Variants in PTPRD observed in about 807,000 individuals in gnomAD.
PTPRD encodes protein tyrosine phosphatase receptor type D, also known as receptor-type tyrosine-protein phosphatase delta.
Under a neutral mutation model 214.5 loss-of-function variants are expected in PTPRD, and 34 were observed. The ratio of observed to expected loss-of-function variants is 0.16; its 90% CI spans 0.12 to 0.21. PTPRD has a LOEUF of 0.21. Among genes scored for constraint, PTPRD ranks in the 10% least tolerant of loss-of-function variants. The pLI, the probability that PTPRD is intolerant of heterozygous loss-of-function variation, is 1.00. For synonymous variants in PTPRD, 1,128 were observed against 845.7 expected (o/e 1.33, Z -5.79); for missense variants, 2,545 against 2,398.7 (o/e 1.06, Z -1.27).
intron 11 of PTPRD, among the ~76,000 whole-genome samples, chr9:8,829,584 G>T (rs1336059302): frequency 6.6e-6 from 1 of 152,114 alleles, no homozygotes; most frequent in African/African-American, 2.4e-5. Flanking sequence ...AGAATTTCTT[G>T]GTGAACTGGA....
At chr9:9,932,834 C>T (rs1602693612) in intron 5 of PTPRD, among the ~76,000 whole-genome samples, 1 of 127,694 alleles carries the variant, frequency 7.8e-6, no homozygotes. Context: ...AGAGAAAGGT[C>T]GGGTTACCCT....
intron 2 of PTPRD, among the ~76,000 whole-genome samples, chr9:10,434,234 C>T (rs895048516): frequency 1.3e-5 from 2 of 151,642 alleles, no homozygotes; most frequent in Admixed American, 1.3e-4. Flanking sequence ...CACTCAGTCT[C>T]CCATATAAAG....
chr9:9,772,972 G>A (rs1217313215), intron 5 of PTPRD, among the ~76,000 whole-genome samples: 1 of 152,086 alleles, frequency 6.6e-6, no homozygotes, highest in African/African-American at 2.4e-5. Context: ...TCTAAAAAAG[G>A]AAATAAGCTA....
intron 3 of PTPRD, among the ~76,000 whole-genome samples, chr9:10,039,369 CA>C (rs1333323240): frequency 6.6e-6 from 1 of 151,854 alleles, no homozygotes; most frequent in Non-Finnish European, 1.5e-5. Context: ...AATGCTATGT[CA>C]AAATAAAGTT....
intron 9 of PTPRD, among the ~76,000 whole-genome samples, chr9:9,210,033 T>A (rs952928995): frequency 6.6e-6 from 1 of 152,170 alleles, no homozygotes; most frequent in East Asian, 1.9e-4. Flanking sequence ...AGCACAAATC[T>A]TTTATAATGA....
chr9:10,490,659 T>C lies in PTPRD; in HGVS notation c.-600+121739A>G, dbSNP rs566978605. Among the ~76,000 whole-genome samples the C allele has an allele frequency of 2.2e-4, 33 of 152,288 alleles. No homozygotes were observed. In the South Asian group the frequency reaches 6.0e-3, roughly 28 times the overall value. On this transcript the variant is annotated intron_variant, in intron 2 of 45. Coordinates refer to ENST00000381196, the MANE Select transcript of PTPRD (RefSeq NM_002839.4). ...TCAATTTTTCTCTATATTCTCCTTA[T>C]GTAAGTTACAGTTTTCCTCCTGTCT...
intron 3 of PTPRD, among the ~76,000 whole-genome samples, chr9:10,153,366 T>C (rs1041387866): frequency 1.1e-4 from 17 of 151,634 alleles, no homozygotes; most frequent in African/African-American, 3.9e-4. Flanking sequence ...GAAAAATTTA[T>C]GATTTTGTGG....
At chr9:9,592,403 A>T (rs945742494) in intron 7 of PTPRD, among the ~76,000 whole-genome samples, 2 of 152,104 alleles carry the variant, frequency 1.3e-5, no homozygotes, top group East Asian at 3.9e-4. Context: ...ATGTATGCTT[A>T]TATGTTCATA....
chr9:8,984,611 G>A (rs1313990057), intron 11 of PTPRD, among the ~76,000 whole-genome samples: 1 of 152,030 alleles, frequency 6.6e-6, no homozygotes, highest in African/African-American at 2.4e-5. Context: ...GACTTCTCAG[G>A]CACATTAGGC....
intron 14 of PTPRD, among the ~76,000 whole-genome samples, chr9:8,546,166 T>C (rs2080085007): frequency 6.6e-6 from 1 of 152,222 alleles, no homozygotes; most frequent in Non-Finnish European, 1.5e-5. Context: ...GTAATATTTA[T>C]GGAGAATTAG....
At chr9:8,680,090 G>C (rs899744470) in intron 12 of PTPRD, among the ~76,000 whole-genome samples, 1 of 151,580 alleles carries the variant, frequency 6.6e-6, no homozygotes, top group Non-Finnish European at 1.5e-5. Context: ...TGATTCTTTT[G>C]TTTCTACTGC....
chr9:9,098,171 C>T (rs1484050755), intron 10 of PTPRD, among the ~76,000 whole-genome samples: 1 of 152,004 alleles, frequency 6.6e-6, no homozygotes, highest in Admixed American at 6.6e-5. Context: ...ATTCTTGCTC[C>T]AAAAATTGCC....
At chr9:8,887,434 C>T (rs1305633885) in intron 11 of PTPRD, among the ~76,000 whole-genome samples, 4 of 152,182 alleles carry the variant, frequency 2.6e-5, no homozygotes, top group Admixed American at 6.5e-5. Context: ...GATTCAGTCA[C>T]TGGGTGAGCA....
At chr9:8,523,217 T>C (rs1362056779) in intron 19 of PTPRD, among the ~76,000 whole-genome samples, 1 of 151,808 alleles carries the variant, frequency 6.6e-6, no homozygotes, top group Non-Finnish European at 1.5e-5. Context: ...AAAGGCAGGG[T>C]GGGAGATGGG....
chr9:9,812,283 G>T (rs1327531613), intron 5 of PTPRD, among the ~76,000 whole-genome samples: 1 of 152,004 alleles, frequency 6.6e-6, no homozygotes, highest in Non-Finnish European at 1.5e-5. Context: ...AACTGAACCT[G>T]TAATACCTCA....
At chr9:8,846,057 C>G (rs2154538778) in intron 11 of PTPRD, among the ~76,000 whole-genome samples, 1 of 152,248 alleles carries the variant, frequency 6.6e-6, no homozygotes, top group East Asian at 1.9e-4. Context: ...CTACCACAGC[C>G]AGATGTAAAG....
intron 8 of PTPRD, among the ~76,000 whole-genome samples, chr9:9,408,779 T>C (rs2141793311): frequency 6.6e-6 from 1 of 152,018 alleles, no homozygotes. Context: ...TTAAATAAAA[T>C]AATGAACATA....
intron 3 of PTPRD, among the ~76,000 whole-genome samples, chr9:10,092,124 A>G (rs2154199346): frequency 6.6e-6 from 1 of 151,594 alleles, no homozygotes; most frequent in Middle Eastern, 3.4e-3. Flanking sequence ...TAAAAAGTTG[A>G]CAGTAGAACT....
At chr9:10,606,411 A>G (rs2079372910) in intron 2 of PTPRD, among the ~76,000 whole-genome samples, 1 of 151,862 alleles carries the variant, frequency 6.6e-6, no homozygotes, top group Admixed American at 6.6e-5. Context: ...TTGGGAAAAA[A>G]TCCCAAGGAT....
Sources: gnomAD v4.1 joint callset for allele counts (sites outside exome capture counted in the v4.1 genomes callset) on GRCh38, gnomAD v4.1.1 for gene constraint, MANE v1.5 for transcripts, NCBI Gene and HGNC (gene_info 2026-07-23, HGNC 2026-07-21) for gene names.